The following PEX7 variants were observed in gnomAD, a reference collection of about 807,000 sequenced individuals.
PEX7 encodes peroxisomal biogenesis factor 7.
A neutral mutation model predicts 47.5 loss-of-function variants in PEX7; 34 were observed. The ratio of observed to expected loss-of-function variants is 0.72; its 90% CI spans 0.54 to 0.95. The LOEUF (loss-of-function observed/expected upper bound fraction) is 0.95. Among genes scored for constraint, PEX7 ranks in the 40% least tolerant of loss-of-function variants. The pLI, the probability that PEX7 is intolerant of heterozygous loss-of-function variation, is 0.00. For missense variants in PEX7, 394 were observed against 400.3 expected (o/e 0.98, Z 0.13); for synonymous variants, 141 against 148.8 (o/e 0.95, Z 0.38).
At chr6:136,870,341 C>CAGATGTAAAGTTTGTT (rs1775151618) in intron 7 of PEX7, among the ~76,000 whole-genome samples, 1 of 152,050 alleles carries the variant, frequency 6.6e-6, no homozygotes. Flanking sequence ...TTCTAATTAG[C>CAGATGTAAAGTTTGTT]GAGAGTCTCT....
chr6:136,902,292 T>G (rs548238937), intron 9 of PEX7, among the ~76,000 whole-genome samples: 1 of 152,360 alleles, frequency 6.6e-6, no homozygotes, highest in East Asian at 1.9e-4. Context: ...GATGTTACTT[T>G]AAGGCTCTGT....
chr6:136,822,652 G>C lies in PEX7; in HGVS notation c.-14G>C. The C allele has an allele frequency of 1.3e-6, 2 of 1,526,216 alleles. No individual in the cohort carries two copies. The highest frequency in any genetic ancestry group is 1.8e-6 in the Non-Finnish European group (2 of 1,142,146). 94.5% of individuals were successfully genotyped at this position (1,526,216 alleles called of 1,614,324 possible). ...CCGCGGCCGGGGCAGCGAGGGCCGG[G>C]GGCGGCGGGCGGGATGAGTGCGGTG... On this transcript the variant is annotated 5_prime_UTR_variant, in exon 1 of 10. Transcript: ENST00000318471.
chr6:136,893,002 A>G (rs190053292), intron 8 of PEX7, among the ~76,000 whole-genome samples: 1 of 152,292 alleles, frequency 6.6e-6, no homozygotes, highest in African/African-American at 2.4e-5. Context: ...TTTGAAGGCA[A>G]AGCTGATCAT....
intron 3 of PEX7, among the ~76,000 whole-genome samples, chr6:136,836,751 G>A (rs1349226477): frequency 3.3e-5 from 5 of 152,088 alleles, no homozygotes; most frequent in Admixed American, 1.3e-4. Flanking sequence ...CCAGGAGTTC[G>A]AGACCAGCCT....
At chr6:136,826,238 A>C (rs1317297059) in intron 2 of PEX7, 81 bp from the exon 3 acceptor site, 30 of 1,473,170 alleles carry the variant, frequency 2.0e-5, no homozygotes, top group Non-Finnish European at 2.6e-5. Context: ...AAGAAAAAAA[A>C]CCATAATTGT....
At chr6:136,874,961 G>A (rs544822788) in intron 8 of PEX7, among the ~76,000 whole-genome samples, 1 of 152,104 alleles carries the variant, frequency 6.6e-6, no homozygotes, top group South Asian at 2.1e-4. Context: ...CCAACATGGT[G>A]AAACCCCGTC....
At chr6:136,880,589 T>G (rs1775359609) in intron 8 of PEX7, among the ~76,000 whole-genome samples, 2 of 152,222 alleles carry the variant, frequency 1.3e-5, no homozygotes, top group Admixed American at 1.3e-4. Context: ...ATTTGAAGTT[T>G]GGATGTGTGG....
At chr6:136,893,015 AC>A (rs1188568187) in intron 8 of PEX7, among the ~76,000 whole-genome samples, 1 of 152,174 alleles carries the variant, frequency 6.6e-6, no homozygotes, top group Non-Finnish European at 1.5e-5. Flanking sequence ...CTGATCATAG[AC>A]CGATGTTAAC....
intron 7 of PEX7, chr6:136,870,589 C>T (rs1775160129): frequency 9.8e-6 from 2 of 204,910 alleles, no homozygotes; most frequent in South Asian, 5.6e-5. Flanking sequence ...TGGAAAACAT[C>T]TTATTAAGTG....
chr6:136,838,817 G>A (rs1774441130), intron 3 of PEX7, among the ~76,000 whole-genome samples: 1 of 152,154 alleles, frequency 6.6e-6, no homozygotes, highest in African/African-American at 2.4e-5. Context: ...ATGGGTGCCT[G>A]GGGGTTTATT....
chr6:136,855,819 T>C, intron 5 of PEX7: 1 of 287,366 alleles, frequency 3.5e-6, no homozygotes, highest in Non-Finnish European at 6.7e-6. Flanking sequence ...GTTGGCAAAG[T>C]GGAAAGAGGG....
chr6:136,869,826 G>C, intron 6 of PEX7, 64 bp from the exon 7 acceptor site: 1 of 1,181,106 alleles, frequency 8.5e-7, no homozygotes, highest in Non-Finnish European at 1.3e-6. Context: ...TTTCTAGTAG[G>C]AAAGCCTGCA....
chr6:136,825,174 G>A (rs372505409), intron 1 of PEX7, 40 bp from the exon 2 acceptor site: 3 of 1,512,404 alleles, frequency 2.0e-6, no homozygotes, highest in Non-Finnish European at 2.8e-6. Flanking sequence ...TGTTACCCTG[G>A]CAGGTTCAAA....
At chr6:136,894,033 A>G (rs930410489) in intron 8 of PEX7, among the ~76,000 whole-genome samples, 1 of 152,220 alleles carries the variant, frequency 6.6e-6, no homozygotes, top group Admixed American at 6.5e-5. Context: ...GTTGTATTTA[A>G]TACAGACTAT....
intron 5 of PEX7, chr6:136,855,945 T>A (rs951437752): frequency 6.1e-5 from 13 of 211,800 alleles, no homozygotes; most frequent in African/African-American, 2.4e-4. Context: ...CAGAATTGTG[T>A]GTATTAGCCC....
At chr6:136,894,985 A>C (rs1202400540) in intron 8 of PEX7, among the ~76,000 whole-genome samples, 2 of 152,226 alleles carry the variant, frequency 1.3e-5, no homozygotes, top group African/African-American at 4.8e-5. Flanking sequence ...CGATAGATGC[A>C]TGAAGGCCCT....
At chr6:136,833,998 G>A (rs376707687) in intron 3 of PEX7, among the ~76,000 whole-genome samples, 1 of 152,008 alleles carries the variant, frequency 6.6e-6, no homozygotes, top group East Asian at 1.9e-4. Context: ...AGGGTCCCAC[G>A]TAAATTAAAA....
chr6:136,883,911 T>A (rs1775422658), intron 8 of PEX7, among the ~76,000 whole-genome samples: 1 of 152,232 alleles, frequency 6.6e-6, no homozygotes, highest in Non-Finnish European at 1.5e-5. Flanking sequence ...AGGCAGTATA[T>A]AGAAGCAACA....
intron 3 of PEX7, among the ~76,000 whole-genome samples, chr6:136,840,322 C>A (rs1268037550): frequency 6.6e-6 from 1 of 151,862 alleles, no homozygotes; most frequent in Non-Finnish European, 1.5e-5. Context: ...TTTTTTTCTT[C>A]CTCGCTTCTT....
Sources: allele counts gnomAD v4.1 joint callset (sites outside exome capture counted in the v4.1 genomes callset), GRCh38; gene constraint gnomAD v4.1.1; transcripts MANE v1.5; gene names NCBI Gene and HGNC (gene_info 2026-07-23, HGNC 2026-07-21).